ADAM11: variants seen among roughly 807,000 people sequenced by gnomAD.
The protein encoded by ADAM11 is disintegrin and metalloproteinase domain-containing protein 11.
Under a neutral mutation model 119.1 loss-of-function variants are expected in ADAM11, and 49 were observed. The ratio of observed to expected loss-of-function variants is 0.41; its 90% CI spans 0.33 to 0.52. The LOEUF is 0.52. Ranked by LOEUF, ADAM11 falls within the 20% of genes least tolerant of loss-of-function variation. The probability of loss-of-function intolerance (pLI) is 0.20; values close to 1 mark genes in which losing one functional copy is unlikely to be tolerated. For synonymous variants in ADAM11, 364 were observed against 408.0 expected, an observed-to-expected ratio of 0.89 and a Z score of 1.30; for missense variants, 777 against 1,047.5, an observed-to-expected ratio of 0.74 and a Z score of 3.56.
rs145796162 is a variant in ADAM11, at chr17:44,764,745, T to C, written c.237+4848T>C. Among the ~76,000 whole-genome samples, 818 of 152,228 alleles carry C rather than the reference T, an allele frequency of 5.4e-3. 5 individuals are homozygous for C. The highest frequency in any genetic ancestry group is 7.2e-3 in the Non-Finnish European group (491 of 68,010). On this transcript the variant is annotated intron_variant, in intron 2 of 26. Coordinates refer to ENST00000200557, the MANE Select transcript of ADAM11 (RefSeq NM_002390.6). The stretch of plus-strand genomic sequence containing the variant: ...CTCATTCATAAAATGGGGATGCTCA[T>C]AGTCTCCACCTCTCAGGCTGCTGCG...
At position 44,780,876 on chromosome 17, in the gene ADAM11, A is replaced by G. The variant is rs2049683997; in HGVS notation, c.*1122A>G. 6.5e-6 allele frequency: 1 copy of G among 152,766 alleles called. No individual in the cohort carries two copies. The highest frequency in any genetic ancestry group is 2.1e-4 in the South Asian group (1 of 4,834). 9.5% of individuals were successfully genotyped at this position (152,766 alleles called of 1,614,324 possible). On this transcript the variant is annotated 3_prime_UTR_variant, in exon 27 of 27. Transcript: ENST00000200557. ...CCCTACCCCCATTCCAGAGCCGAGT[A>G]GTAAGTTTACAGATGTTTCCCCCAT...
intron 1 of ADAM11, 65 bp from the exon 2 acceptor site, chr17:44,759,657 C>T: frequency 1.5e-6 from 2 of 1,309,040 alleles, no homozygotes; most frequent in Non-Finnish European, 2.0e-6. Flanking sequence ...GGCATGCCCA[C>T]CCCATTCCCA....
In ADAM11 at chr17:44,777,253, A is replaced by G. The variant is rs1252041870; in HGVS notation, c.1769A>G (p.Gln590Arg). Residue 590 changes from glutamine to arginine, a missense_variant, in exon 21 of 27, where the codon CAG becomes CGG. Gln to Arg is a conservative substitution (Grantham distance 43, BLOSUM62 1). Transcript: ENST00000200557. The surrounding 1 kb of genome is among the most constrained non-coding windows in gnomAD (Gnocchi z 5.1). ...SCGRKGSGWVQCSKQDVLCGF... is the reference protein window; with the variant it reads ...SCGRKGSGWVRCSKQDVLCGF... Reference sequence around the variant, plus strand: ...GGGCGCAAGGGATCTGGCTGGGTCCAGTGCAGTAAGCAGTGAGTACTGAGG... The same window carrying G: ...GGGCGCAAGGGATCTGGCTGGGTCCGGTGCAGTAAGCAGTGAGTACTGAGG... 5 of 1,605,308 alleles carry G rather than the reference A, an allele frequency of 3.1e-6. No individual in the cohort carries two copies. The highest frequency in any genetic ancestry group is 1.3e-5 in the African/African-American group (1 of 74,878).
chr17:44,771,848 C>A lies in ADAM11; in HGVS notation c.543+17C>A. The A allele has an allele frequency of 6.3e-7, 1 of 1,591,634 alleles. No individual in the cohort carries two copies. The highest frequency in any genetic ancestry group is 8.6e-7 in the Non-Finnish European group (1 of 1,165,010). On this transcript the variant is annotated intron_variant, in intron 6 of 26. Coordinates refer to ENST00000200557, the MANE Select transcript of ADAM11 (RefSeq NM_002390.6). ...GCCCCTCAGGTAAGCCCCACACAAC[C>A]CCTTGCCATCCTCTCTGGTGGCCCT...
In ADAM11 at chr17:44,770,060, T is replaced by G. The variant is rs1303691233; in HGVS notation, c.381+12T>G. 1 of 1,613,702 alleles carries G rather than the reference T, an allele frequency of 6.2e-7. No homozygotes were observed. Among genetic ancestry groups the G allele is most frequent in the East Asian group, 2.2e-5 (1 of 44,900 alleles). On this transcript the variant is annotated intron_variant, in intron 4 of 26. Coordinates refer to ENST00000200557, the MANE Select transcript of ADAM11 (RefSeq NM_002390.6). Reference sequence around the variant, plus strand: ...CCCAGCACAGCACCGTGAGTGCCACTGCAGGGGACCGGGGCCGGGGATGGA... The same window carrying G: ...CCCAGCACAGCACCGTGAGTGCCACGGCAGGGGACCGGGGCCGGGGATGGA...
Position 44,774,326 on chromosome 17 carries a change from G to T in ADAM11, c.1024G>T (p.Ala342Ser). 2.0e-6 allele frequency: 3 copies of T among 1,475,194 alleles called. No individual in the cohort carries two copies. Among genetic ancestry groups the T allele is most frequent in the Non-Finnish European group, 2.7e-6 (3 of 1,108,894 alleles). The allele number at this position is 1,475,194 out of a possible 1,614,324, so 91.4% of individuals were successfully genotyped here. A position where few individuals can be genotyped will look rare whatever the true frequency, so the allele number is the denominator to read the frequency against. The change falls in exon 12 of 27, where the codon GCA (alanine) becomes TCA (serine). Residue 342 changes from alanine (A) to serine (S), a missense_variant. By Grantham distance (99) the Ala-to-Ser change is moderately conservative. Coordinates refer to ENST00000200557, the MANE Select transcript of ADAM11 (RefSeq NM_002390.6). ...GACCTTCCAGAGCACGAGCAGCGGG[G>T]CAGCCTACGTGGGGGGCATATGCTC... ...GRTFQSTSSG[A>S]AYVGGICSLS...
chr17:44,775,740 A>C lies in ADAM11; in HGVS notation c.1485+64A>C. ...GAGGAGCGATTGGAGGCCTTCATAT[A>C]AGGGGTGGGAGCTAGGGAGGGAAGC... On this transcript the variant is annotated intron_variant, in intron 17 of 26. Coordinates refer to ENST00000200557, the MANE Select transcript of ADAM11 (RefSeq NM_002390.6). This position sits in a 1 kb window ranked among gnomAD's most constrained non-coding sequence, Gnocchi z 7.5. 1.4e-6 allele frequency: 2 copies of C among 1,473,162 alleles called. No homozygotes were observed. Among genetic ancestry groups the C allele is most frequent in the Non-Finnish European group, 1.8e-6 (2 of 1,093,230 alleles). 91.3% of individuals were successfully genotyped at this position (1,473,162 alleles called of 1,614,324 possible). A position where few individuals can be genotyped will look rare whatever the true frequency, so the allele number is the denominator to read the frequency against.
At position 44,780,406 on chromosome 17, in the gene ADAM11, G is replaced by A. The variant is rs2049677233; in HGVS notation, c.*652G>A. On this transcript the variant is annotated 3_prime_UTR_variant, in exon 27 of 27. Coordinates refer to ENST00000200557, the MANE Select transcript of ADAM11 (RefSeq NM_002390.6). The stretch of plus-strand genomic sequence containing the variant: ...CCCCCGCTTAGCCCCGCTGAGCTTG[G>A]AGGAAGTATGAGTGCTGATTCAAAC... The A allele has an allele frequency of 6.0e-6, 2 of 333,674 alleles. No homozygotes were observed. The highest frequency in any genetic ancestry group is 1.2e-5 in the Non-Finnish European group (2 of 173,592). 20.7% of individuals were successfully genotyped at this position (333,674 alleles called of 1,614,324 possible).
Position 44,777,223 on chromosome 17 carries a change from G to C in ADAM11, c.1739G>C (p.Ser580Thr), listed in dbSNP as rs1302637729. 1 of 1,608,882 alleles carries C rather than the reference G, an allele frequency of 6.2e-7. No individual in the cohort carries two copies. The highest frequency in any genetic ancestry group is 2.2e-5 in the East Asian group (1 of 44,838). Residue 580 changes from serine (S) to threonine (T), a missense_variant, in exon 21 of 27, where the codon AGC becomes ACC. Coordinates refer to ENST00000200557, the MANE Select transcript of ADAM11 (RefSeq NM_002390.6). The surrounding 1 kb of genome is among the most constrained non-coding windows in gnomAD (Gnocchi z 5.1). ...KLNVEGTERG[S>T]CGRKGSGWVQ... Reference sequence around the variant, plus strand: ...AATGTGGAGGGGACGGAGCGTGGGAGCTGTGGGCGCAAGGGATCTGGCTGG... The same window carrying C: ...AATGTGGAGGGGACGGAGCGTGGGACCTGTGGGCGCAAGGGATCTGGCTGG...
At chr17:44,762,636 G>T (rs1598881773) in intron 2 of ADAM11, among the ~76,000 whole-genome samples, 1 of 152,318 alleles carries the variant, frequency 6.6e-6, no homozygotes, top group East Asian at 1.9e-4. Context: ...AGGGCCTGGG[G>T]CGCTGAGCTG....
At chr17:44,762,605 C>T (rs2049402341) in intron 2 of ADAM11, among the ~76,000 whole-genome samples, 1 of 152,138 alleles carries the variant, frequency 6.6e-6, no homozygotes, top group African/African-American at 2.4e-5. Context: ...GTGTCGAGTC[C>T]AGGGGCACAT....
chr17:44,760,753 G>A (rs1190526754), intron 2 of ADAM11, among the ~76,000 whole-genome samples: 1 of 152,080 alleles, frequency 6.6e-6, no homozygotes, highest in African/African-American at 2.4e-5. Flanking sequence ...GGGAGTGGTG[G>A]GAGGTAAATT....
chr17:44,777,297 G>C lies in ADAM11; in HGVS notation c.1781+32G>C, dbSNP rs955720488. The C allele has an allele frequency of 6.3e-7, 1 of 1,576,262 alleles. No individual in the cohort carries two copies. Among genetic ancestry groups the C allele is most frequent in the Non-Finnish European group, 8.6e-7 (1 of 1,161,280 alleles). On this transcript the variant is annotated intron_variant, in intron 21 of 26. Coordinates refer to ENST00000200557, the MANE Select transcript of ADAM11 (RefSeq NM_002390.6). This position sits in a 1 kb window ranked among gnomAD's most constrained non-coding sequence, Gnocchi z 5.1. ...ACTGAGGCTCCCAGAGGGCCTCTCA[G>C]CTCCAGGGCAGGTGTGAGACTTTTC...
intron 2 of ADAM11, among the ~76,000 whole-genome samples, chr17:44,769,054 A>G (rs939808845): frequency 6.6e-6 from 1 of 152,252 alleles, no homozygotes; most frequent in Admixed American, 6.5e-5. Context: ...GAAAACTTCC[A>G]TGTTTAAAAA....
At position 44,773,544 on chromosome 17, in the gene ADAM11, CT is replaced by C. The variant is rs2049557385; in HGVS notation, c.992+119del. ...CTCAGAGTCTGGGGACTGGGCTCAC[CT>C]TGCACCTGCCACCTACCCCCAGCCA... On this transcript the variant is annotated intron_variant, in intron 11 of 26. Transcript: ENST00000200557. This position sits in a 1 kb window ranked among gnomAD's most constrained non-coding sequence, Gnocchi z 4.6. 7.9e-7 allele frequency: 1 copy of C among 1,267,932 alleles called. No homozygotes were observed. 78.5% of individuals were successfully genotyped at this position (1,267,932 alleles called of 1,614,324 possible). A position where few individuals can be genotyped will look rare whatever the true frequency, so the allele number is the denominator to read the frequency against.
chr17:44,769,959 TC>T, intron 3 of ADAM11, 22 bp from the exon 4 acceptor site: 1 of 1,613,854 alleles, frequency 6.2e-7, no homozygotes, highest in Non-Finnish European at 8.5e-7. Context: ...TGACCCCCCT[TC>T]CTGCTGCCCC....
At position 44,772,056 on chromosome 17, in the gene ADAM11, C is replaced by T. The variant is rs1193105039; in HGVS notation, c.544-211C>T. Among the ~76,000 whole-genome samples, 3 of 152,122 alleles carry T rather than the reference C, an allele frequency of 2.0e-5. No homozygotes were observed. The highest frequency in any genetic ancestry group is 4.4e-5 in the Non-Finnish European group (3 of 67,992). On this transcript the variant is annotated intron_variant, in intron 6 of 26. Transcript: ENST00000200557. This position sits in a 1 kb window ranked among gnomAD's most constrained non-coding sequence, Gnocchi z 4.5. ...GTCCCATAAGTGACCTCCCATTGGG[C>T]TCCAATGTCCTTTGCCCCTGTCTCT... is the stretch of plus-strand genomic sequence containing the variant.
At position 44,759,213 on chromosome 17, in the gene ADAM11, G is replaced by T. The variant is rs1159466496; in HGVS notation, c.14G>T (p.Arg5Leu). The change falls in exon 1 of 27, where the codon CGG (arginine) becomes CTG (leucine). Residue 5 changes from arginine (R) to leucine (L), a missense_variant. By Grantham distance (102) the Arg-to-Leu change is moderately radical. Around this residue, in one of 4 missense-constraint regions of ADAM11, gnomAD observed 278 missense variants for 310.1 expected, o/e 0.90. Coordinates refer to ENST00000200557, the MANE Select transcript of ADAM11 (RefSeq NM_002390.6). ...AATGAGCGAGCCATGAGGCTGCTGCGGCGCTGGGCGTTCGCGGCTCTGCTG... is the reference window on the plus strand; with the variant it reads ...AATGAGCGAGCCATGAGGCTGCTGCTGCGCTGGGCGTTCGCGGCTCTGCTG... MRLL[R>L]RWAFAALLLS... is the part of the protein sequence containing the mutation. The T allele has an allele frequency of 1.4e-6, 2 of 1,431,018 alleles. No homozygotes were observed. The highest frequency in any genetic ancestry group is 1.4e-5 in the South Asian group (1 of 72,330). 88.6% of individuals were successfully genotyped at this position (1,431,018 alleles called of 1,614,324 possible). A position where few individuals can be genotyped will look rare whatever the true frequency, so the allele number is the denominator to read the frequency against.
chr17:44,779,916 C>A lies in ADAM11; in HGVS notation c.*162C>A. 1 of 1,034,308 alleles carries A rather than the reference C, an allele frequency of 9.7e-7. No individual in the cohort carries two copies. The highest frequency in any genetic ancestry group is 1.5e-6 in the Non-Finnish European group (1 of 687,428). 64.1% of individuals were successfully genotyped at this position (1,034,308 alleles called of 1,614,324 possible). On this transcript the variant is annotated 3_prime_UTR_variant, in exon 27 of 27. Coordinates refer to ENST00000200557, the MANE Select transcript of ADAM11 (RefSeq NM_002390.6). ...GGTTTGGGTGGGGGCTGTGGCCCTG[C>A]CCTTGGCACCACCAGGGTGGACCAG...
Sources: allele counts gnomAD v4.1 joint callset (sites outside exome capture counted in the v4.1 genomes callset), GRCh38; gene constraint gnomAD v4.1.1; regional missense constraint gnomAD v4.1.1; non-coding constraint Gnocchi (gnomAD v3.1); transcripts MANE v1.5; gene names NCBI Gene and HGNC (gene_info 2026-07-23, HGNC 2026-07-21).